The following FOXC1 variants were observed in gnomAD, a reference collection of about 807,000 sequenced individuals.
The protein encoded by FOXC1 is forkhead box C1, also known as forkhead box protein C1.
A neutral mutation model predicts 8.1 loss-of-function variants in FOXC1; 5 were observed. That is an observed-to-expected ratio of 0.62 (90% confidence interval 0.32 to 1.30). The LOEUF (loss-of-function observed/expected upper bound fraction) is 1.30, where lower values mean the gene tolerates loss of function less well. Among genes scored for constraint, FOXC1 ranks in the 50% most tolerant of loss-of-function variants. The pLI is 0.05. For missense variants in FOXC1, 942 were observed against 858.0 expected (o/e 1.10, Z -1.22); for synonymous variants, 552 against 417.2 (o/e 1.32, Z -3.94).
At position 1,611,727 on chromosome 6, in the gene FOXC1, C is replaced by T. The variant is rs1020427428; in HGVS notation, c.1282C>T (p.Leu428=). Reference sequence around the variant, plus strand: ...GGGCGGCTCGGCCGTGGACGACCCCCTGCCCGACTACTCTCTGCCTCCGGT... The same window carrying T: ...GGGCGGCTCGGCCGTGGACGACCCCTTGCCCGACTACTCTCTGCCTCCGGT... ...GAGGSAVDDP[L]PDYSLPPVTS... Residue 428 remains leucine, a synonymous_variant, in exon 1 of 1, where the codon CTG becomes TTG. Coordinates refer to ENST00000645831, the MANE Select transcript of FOXC1 (RefSeq NM_001453.3). This position sits in a 1 kb window ranked among gnomAD's most constrained non-coding sequence, Gnocchi z 7.1. 8.9e-6 allele frequency: 13 copies of T among 1,465,840 alleles called. No individual in the cohort carries two copies. Among genetic ancestry groups the T allele is most frequent in the African/African-American group, 4.4e-5 (3 of 67,642 alleles). The allele number at this position is 1,465,840 out of a possible 1,614,324, so 90.8% of individuals were successfully genotyped here.
chr6:1,611,677 A>T lies in FOXC1; in HGVS notation c.1232A>T (p.His411Leu). The T allele has an allele frequency of 1.4e-6, 2 of 1,408,826 alleles. No homozygotes were observed. The highest frequency in any genetic ancestry group is 1.8e-6 in the Non-Finnish European group (2 of 1,088,838). The allele number at this position is 1,408,826 out of a possible 1,614,324, so 87.3% of individuals were successfully genotyped here. ...TACGCGGCCGGCGAGCGCGGGGGCC[A>T]CTTGCAGGGCGCGCCCGGGGGCGCG... ...SLYAAGERGG[H>L]LQGAPGGAGG... is the part of the protein sequence containing the mutation. The change falls in exon 1 of 1, where the codon CAC becomes CTC. Residue 411 changes from histidine to leucine, a missense_variant. Transcript: ENST00000645831. This position sits in a 1 kb window ranked among gnomAD's most constrained non-coding sequence, Gnocchi z 7.1.
Position 1,612,183 on chromosome 6 carries a change from C to A in FOXC1, c.*76C>A, listed in dbSNP as rs953785432. 2.5e-6 allele frequency: 4 copies of A among 1,581,014 alleles called. No individual in the cohort carries two copies. The highest frequency in any genetic ancestry group is 3.7e-5 in the Admixed American group (2 of 53,636). On this transcript the variant is annotated 3_prime_UTR_variant, in exon 1 of 1. Transcript: ENST00000645831. ...GGAACCCATCAAGGCAAAATCGAAA[C>A]TAAAAAAAAAAAATCCAATTAAAAA...
chr6:1,611,886 G>C lies in FOXC1; in HGVS notation c.1441G>C (p.Asp481His). Residue 481 changes from aspartate to histidine, a missense_variant, in exon 1 of 1, where the codon GAC (aspartate) becomes CAC (histidine). Asp to His is a moderately conservative substitution (Grantham distance 81). Around this residue, in one of 4 missense-constraint regions of FOXC1, gnomAD observed 726 missense variants for 599.6 expected, o/e 1.21. Coordinates refer to ENST00000645831, the MANE Select transcript of FOXC1 (RefSeq NM_001453.3). The surrounding 1 kb of genome is among the most constrained non-coding windows in gnomAD (Gnocchi z 7.1). ...TSWYLNQAGGDLGHLASAAAA... is the reference protein window; with the variant it reads ...TSWYLNQAGGHLGHLASAAAA... ...GTGGTACCTGAACCAGGCGGGCGGA[G>C]ACCTGGGCCACTTGGCGAGCGCGGC... is the stretch of plus-strand genomic sequence containing the variant. The C allele has an allele frequency of 6.5e-7, 1 of 1,544,050 alleles. No homozygotes were observed. Among genetic ancestry groups the C allele is most frequent in the Non-Finnish European group, 8.7e-7 (1 of 1,144,132 alleles).
chr6:1,612,204 A>C lies in FOXC1; in HGVS notation c.*97A>C. On this transcript the variant is annotated 3_prime_UTR_variant, in exon 1 of 1. Coordinates refer to ENST00000645831, the MANE Select transcript of FOXC1 (RefSeq NM_001453.3). ...GAAACTAAAAAAAAAAAATCCAATT[A>C]AAAAAAACCCCTGAGAATATTCACC... 6.5e-7 allele frequency: 1 copy of C among 1,549,852 alleles called. No homozygotes were observed. Among genetic ancestry groups the C allele is most frequent in the East Asian group, 2.3e-5 (1 of 44,030 alleles).
In FOXC1 at chr6:1,613,605, G is replaced by A. The variant is rs3799328; in HGVS notation, c.*1498G>A. The A allele has an allele frequency of 4.5e-6, 1 of 220,730 alleles. No homozygotes were observed. Among genetic ancestry groups the A allele is most frequent in the East Asian group, 7.5e-5 (1 of 13,386 alleles). The allele number at this position is 220,730 out of a possible 1,614,324, so 13.7% of individuals were successfully genotyped here. On this transcript the variant is annotated 3_prime_UTR_variant, in exon 1 of 1. Transcript: ENST00000645831. ...TTGTTAATTTACAGTTAAACCTAGGGGACAATCCGGATTGGCCCTCCCCCT... is the reference window on the plus strand; with the variant it reads ...TTGTTAATTTACAGTTAAACCTAGGAGACAATCCGGATTGGCCCTCCCCCT...
rs1025377885 is a variant in FOXC1 at position 1,612,939 on chromosome 6, C to T, written c.*832C>T. 1.8e-5 allele frequency: 4 copies of T among 221,396 alleles called. No homozygotes were observed. The highest frequency in any genetic ancestry group is 9.1e-5 in the African/African-American group (4 of 43,860). 13.7% of individuals were successfully genotyped at this position (221,396 alleles called of 1,614,324 possible). ...CCTAAATCTCTGAAAAATGGAGAAACCCTCTGACTAGTCCATGTCAAATTT... is the reference window on the plus strand; with the variant it reads ...CCTAAATCTCTGAAAAATGGAGAAATCCTCTGACTAGTCCATGTCAAATTT... On this transcript the variant is annotated 3_prime_UTR_variant, in exon 1 of 1. Coordinates refer to ENST00000645831, the MANE Select transcript of FOXC1 (RefSeq NM_001453.3).
At position 1,611,216 on chromosome 6, in the gene FOXC1, C is replaced by T. The variant is rs1762537538; in HGVS notation, c.771C>T (p.Ile257=). 2.1e-6 allele frequency: 3 copies of T among 1,457,642 alleles called. No homozygotes were observed. Among genetic ancestry groups the T allele is most frequent in the South Asian group, 2.6e-5 (2 of 78,218 alleles). The allele number at this position is 1,457,642 out of a possible 1,614,324, so 90.3% of individuals were successfully genotyped here. A position where few individuals can be genotyped will look rare whatever the true frequency, so the allele number is the denominator to read the frequency against. ...GSGSAAAVPK[I]ESPDSSSSSL... ...GCAGCGCCGCCGCGGTGCCCAAGATCGAGAGCCCCGACAGCAGCAGCAGCA... is the reference window on the plus strand; with the variant it reads ...GCAGCGCCGCCGCGGTGCCCAAGATTGAGAGCCCCGACAGCAGCAGCAGCA... Residue 257 remains isoleucine (I), a synonymous_variant, in exon 1 of 1, where the codon ATC becomes ATT. Coordinates refer to ENST00000645831, the MANE Select transcript of FOXC1 (RefSeq NM_001453.3). This position sits in a 1 kb window ranked among gnomAD's most constrained non-coding sequence, Gnocchi z 7.1.
chr6:1,612,101 G>T lies in FOXC1; in HGVS notation c.1656G>T (p.Lys552Asn). 1 of 1,613,852 alleles carries T rather than the reference G, an allele frequency of 6.2e-7. No homozygotes were observed. The highest frequency in any genetic ancestry group is 8.5e-7 in the Non-Finnish European group (1 of 1,179,998). ...GAGCTTTCGTCTACGACTGTAGCAA[G>T]TTTTGACACACCCTCAAAGCCGAAC... Reference protein sequence around the residue: ...TSGAFVYDCSKF With the variant: ...TSGAFVYDCSNF The change falls in exon 1 of 1, where the codon AAG becomes AAT. Residue 552 changes from lysine to asparagine, a missense_variant. Physicochemically the swap from Lys to Asn is moderately conservative, Grantham distance 94. Transcript: ENST00000645831.
At position 1,612,211 on chromosome 6, in the gene FOXC1, A is replaced by T; in HGVS notation, c.*104A>T. On this transcript the variant is annotated 3_prime_UTR_variant, in exon 1 of 1. Coordinates refer to ENST00000645831, the MANE Select transcript of FOXC1 (RefSeq NM_001453.3). Reference sequence around the variant, plus strand: ...AAAAAAAAAAATCCAATTAAAAAAAACCCCTGAGAATATTCACCACACCAG... The same window carrying T: ...AAAAAAAAAAATCCAATTAAAAAAATCCCCTGAGAATATTCACCACACCAG... 1 of 1,539,212 alleles carries T rather than the reference A, an allele frequency of 6.5e-7. No homozygotes were observed. Among genetic ancestry groups the T allele is most frequent in the South Asian group, 1.2e-5 (1 of 82,698 alleles).
Position 1,611,927 on chromosome 6 carries a change from C to T in FOXC1, c.1482C>T (p.Ala494=), listed in dbSNP as rs1581375098. ...HLASAAAAAA[A]AGYPGQQQNF... ...CGAGCGCGGCGGCGGCGGCGGCGGC[C>T]GCAGGCTACCCGGGCCAGCAGCAGA... Residue 494 remains alanine, a synonymous_variant, in exon 1 of 1, where the codon GCC becomes GCT. Transcript: ENST00000645831. This position sits in a 1 kb window ranked among gnomAD's most constrained non-coding sequence, Gnocchi z 7.1. 1 of 1,565,742 alleles carries T rather than the reference C, an allele frequency of 6.4e-7. No homozygotes were observed. Among genetic ancestry groups the T allele is most frequent in the Non-Finnish European group, 8.7e-7 (1 of 1,155,262 alleles).
Position 1,610,867 on chromosome 6 carries a change from GCGA to G in FOXC1, c.427_429del (p.Asp143del). On this transcript the variant is annotated inframe_deletion, in exon 1 of 1. Coordinates refer to ENST00000645831, the MANE Select transcript of FOXC1 (RefSeq NM_001453.3). ...AACGAGTGCTTCGTCAAGGTGCCGCGCGACGACAAGAAGCCGGGCAAGGGCAGC... is the reference window on the plus strand; with the variant it reads ...AACGAGTGCTTCGTCAAGGTGCCGCGCGACAAGAAGCCGGGCAAGGGCAGC... 1.9e-6 allele frequency: 3 copies of G among 1,614,062 alleles called. No individual in the cohort carries two copies. Among genetic ancestry groups the G allele is most frequent in the South Asian group, 1.1e-5 (1 of 91,080 alleles).
rs1762531412 is a variant in FOXC1, at chr6:1,611,056, C to T, written c.611C>T (p.Ala204Val). ...CCGCCCGGCCGCCAGCCCCCGCCCG[C>T]GCCGCCGGAGCAGGCCGACGGCAAC... is the stretch of plus-strand genomic sequence containing the variant. ...PPPPGRQPPP[A>V]PPEQADGNAP... The change falls in exon 1 of 1, where the codon GCG (alanine) becomes GTG (valine). Residue 204 changes from alanine to valine, a missense_variant. By Grantham distance (64) the Ala-to-Val change is moderately conservative. Coordinates refer to ENST00000645831, the MANE Select transcript of FOXC1 (RefSeq NM_001453.3). The surrounding 1 kb of genome is among the most constrained non-coding windows in gnomAD (Gnocchi z 7.1). 1 of 1,505,638 alleles carries T rather than the reference C, an allele frequency of 6.6e-7. No homozygotes were observed. Among genetic ancestry groups the T allele is most frequent in the South Asian group, 1.3e-5 (1 of 78,466 alleles). The allele number at this position is 1,505,638 out of a possible 1,614,324, so 93.3% of individuals were successfully genotyped here. A position where few individuals can be genotyped will look rare whatever the true frequency, so the allele number is the denominator to read the frequency against.
In FOXC1 at chr6:1,610,285, C is replaced by G. The variant is rs1271572904; in HGVS notation, c.-161C>G. 2 of 259,190 alleles carry G rather than the reference C, an allele frequency of 7.7e-6. No homozygotes were observed. Among genetic ancestry groups the G allele is most frequent in the African/African-American group, 4.6e-5 (2 of 43,284 alleles). The allele number at this position is 259,190 out of a possible 1,614,324, so 16.1% of individuals were successfully genotyped here. On this transcript the variant is annotated 5_prime_UTR_variant, in exon 1 of 1. Coordinates refer to ENST00000645831, the MANE Select transcript of FOXC1 (RefSeq NM_001453.3). Reference sequence around the variant, plus strand: ...GAGGCGCCGGAGGAGCCAGCCCCAGCGAGCGCCGGGAGAGGCGGCAGCGCA... The same window carrying G: ...GAGGCGCCGGAGGAGCCAGCCCCAGGGAGCGCCGGGAGAGGCGGCAGCGCA...
Position 1,611,698 on chromosome 6 carries a change from G to A in FOXC1, c.1253G>A (p.Gly418Asp), listed in dbSNP as rs1056318557. ...GGCCACTTGCAGGGCGCGCCCGGGG[G>A]CGCGGGCGGCTCGGCCGTGGACGAC... The part of the protein sequence containing the change: ...RGGHLQGAPG[G>D]AGGSAVDDPL... The change falls in exon 1 of 1, where the codon GGC (glycine) becomes GAC (aspartate). Residue 418 changes from glycine (G) to aspartate (D), a missense_variant. By Grantham distance (94) the Gly-to-Asp change is moderately conservative. Around this residue, in one of 4 missense-constraint regions of FOXC1, gnomAD observed 726 missense variants for 599.6 expected, o/e 1.21. Coordinates refer to ENST00000645831, the MANE Select transcript of FOXC1 (RefSeq NM_001453.3). The surrounding 1 kb of genome is among the most constrained non-coding windows in gnomAD (Gnocchi z 7.1). The A allele has an allele frequency of 1.4e-6, 2 of 1,431,872 alleles. No individual in the cohort carries two copies. The highest frequency in any genetic ancestry group is 1.8e-6 in the Non-Finnish European group (2 of 1,099,342). The allele number at this position is 1,431,872 out of a possible 1,614,324, so 88.7% of individuals were successfully genotyped here. A position where few individuals can be genotyped will look rare whatever the true frequency, so the allele number is the denominator to read the frequency against.
Position 1,611,889 on chromosome 6 carries a change from C to G in FOXC1, c.1444C>G (p.Leu482Val). The change falls in exon 1 of 1, where the codon CTG (leucine) becomes GTG (valine). Residue 482 changes from leucine (L) to valine (V), a missense_variant. Physicochemically the swap from Leu to Val is conservative, Grantham distance 32. This residue lies in a region of FOXC1 where 726 missense variants were observed against 599.6 expected (regional missense o/e 1.21). Transcript: ENST00000645831. This position sits in a 1 kb window ranked among gnomAD's most constrained non-coding sequence, Gnocchi z 7.1. ...SWYLNQAGGD[L>V]GHLASAAAAA... ...GTACCTGAACCAGGCGGGCGGAGAC[C>G]TGGGCCACTTGGCGAGCGCGGCGGC... The G allele has an allele frequency of 6.5e-7, 1 of 1,543,838 alleles. No homozygotes were observed. The highest frequency in any genetic ancestry group is 8.7e-7 in the Non-Finnish European group (1 of 1,144,160).
Position 1,610,568 on chromosome 6 carries a change from G to C in FOXC1, c.123G>C (p.Pro41=). The change falls in exon 1 of 1, where the codon CCG becomes CCC. Residue 41 remains proline (P), a synonymous_variant. Transcript: ENST00000645831. ...AAAGGGYTAM[P]APMSVYSHPA... is the part of the protein sequence containing the mutation. The stretch of plus-strand genomic sequence containing the variant: ...CCGGGGGCGGCTACACCGCCATGCC[G>C]GCCCCCATGAGCGTGTACTCGCACC... 2.5e-6 allele frequency: 4 copies of C among 1,577,896 alleles called. No homozygotes were observed. Among genetic ancestry groups the C allele is most frequent in the Non-Finnish European group, 3.4e-6 (4 of 1,163,242 alleles).
chr6:1,611,276 G>T lies in FOXC1; in HGVS notation c.831G>T (p.Leu277=), dbSNP rs1762539153. 1.9e-5 allele frequency: 26 copies of T among 1,390,490 alleles called. No homozygotes were observed. In the East Asian group the frequency reaches 5.5e-4, roughly 30 times the overall value. 86.1% of individuals were successfully genotyped at this position (1,390,490 alleles called of 1,614,324 possible). ...LSSGSSPPGS[L]PSARPLSLDG... Reference sequence around the variant, plus strand: ...GCGGGAGCAGCCCCCCGGGCAGCCTGCCGTCGGCGCGGCCGCTCAGCCTGG... The same window carrying T: ...GCGGGAGCAGCCCCCCGGGCAGCCTTCCGTCGGCGCGGCCGCTCAGCCTGG... The change falls in exon 1 of 1, where the codon CTG becomes CTT. Residue 277 remains leucine (L), a synonymous_variant. Coordinates refer to ENST00000645831, the MANE Select transcript of FOXC1 (RefSeq NM_001453.3). The surrounding 1 kb of genome is among the most constrained non-coding windows in gnomAD (Gnocchi z 7.1).
Position 1,611,163 on chromosome 6 carries a change from C to A in FOXC1, c.718C>A (p.Leu240Met). 1.4e-6 allele frequency: 2 copies of A among 1,454,636 alleles called. No individual in the cohort carries two copies. The highest frequency in any genetic ancestry group is 3.1e-5 in the East Asian group (1 of 31,920). 90.1% of individuals were successfully genotyped at this position (1,454,636 alleles called of 1,614,324 possible). ...NGTCPSPPQPLSPAAALGSGS... is the reference protein window; with the variant it reads ...NGTCPSPPQPMSPAAALGSGS... ...TACGTGCCCCTCGCCGCCCCAGCCC[C>A]TGTCCCCGGCCGCCGCCCTGGGCAG... The change falls in exon 1 of 1, where the codon CTG becomes ATG. Residue 240 changes from leucine (L) to methionine (M), a missense_variant. This residue lies in a region of FOXC1 where 726 missense variants were observed against 599.6 expected (regional missense o/e 1.21). Coordinates refer to ENST00000645831, the MANE Select transcript of FOXC1 (RefSeq NM_001453.3). This position sits in a 1 kb window ranked among gnomAD's most constrained non-coding sequence, Gnocchi z 7.1.
Position 1,613,789 on chromosome 6 carries a change from C to T in FOXC1, c.*1682C>T, listed in dbSNP as rs1231230729. The T allele has an allele frequency of 4.5e-6, 1 of 224,606 alleles. No homozygotes were observed. Among genetic ancestry groups the T allele is most frequent in the Non-Finnish European group, 9.7e-6 (1 of 103,502 alleles). The allele number at this position is 224,606 out of a possible 1,614,324, so 13.9% of individuals were successfully genotyped here. Reference sequence around the variant, plus strand: ...TAATACAGTTTCCTGCTATCTGCCGCTCCTATCTAGAGGCAACACTTAAGC... The same window carrying T: ...TAATACAGTTTCCTGCTATCTGCCGTTCCTATCTAGAGGCAACACTTAAGC... On this transcript the variant is annotated 3_prime_UTR_variant, in exon 1 of 1. Transcript: ENST00000645831.
Sources: allele counts gnomAD v4.1 joint callset, GRCh38; gene constraint gnomAD v4.1.1; regional missense constraint gnomAD v4.1.1; non-coding constraint Gnocchi (gnomAD v3.1); transcripts MANE v1.5; gene names NCBI Gene and HGNC (gene_info 2026-07-23, HGNC 2026-07-21).